CCDC178: variants seen among roughly 807,000 people sequenced by gnomAD.
The protein encoded by CCDC178 is coiled-coil domain-containing protein 178.
In CCDC178, 126 loss-of-function variants were observed where a neutral mutation model predicts 117.4. That is an observed-to-expected ratio of 1.07 (90% CI 0.93 to 1.24). CCDC178 has a LOEUF of 1.24. CCDC178 is among the 50% of genes most tolerant of loss of function. The probability of loss-of-function intolerance (pLI) is 0.00; values close to 1 mark genes in which losing one functional copy is unlikely to be tolerated. For synonymous variants in CCDC178, 283 were observed against 313.4 expected, an observed-to-expected ratio of 0.90 and a Z score of 1.02; for missense variants, 1,030 against 986.9, an observed-to-expected ratio of 1.04 and a Z score of -0.59.
At chr18:33,268,941 T>A (rs1381639463) in intron 12 of CCDC178, among the ~76,000 whole-genome samples, 1 of 151,862 alleles carries the variant, frequency 6.6e-6, no homozygotes, top group Non-Finnish European at 1.5e-5. Context: ...TTTCACCTTC[T>A]AGTCCTATCA....
At chr18:33,283,637 T>G (rs9951961) in intron 12 of CCDC178, among the ~76,000 whole-genome samples, 10,476 of 152,108 alleles carry the variant, frequency 0.069, 560 homozygotes, top group African/African-American at 0.14. Flanking sequence ...CTTACATGTG[T>G]CTAAGCATAT....
At chr18:33,349,375 C>T (rs762479468) in intron 7 of CCDC178, among the ~76,000 whole-genome samples, 3 of 151,802 alleles carry the variant, frequency 2.0e-5, no homozygotes, top group Non-Finnish European at 4.4e-5. Flanking sequence ...AATATCATTT[C>T]AGATAATAAA....
chr18:33,119,474 A>G (rs370588027), intron 20 of CCDC178, among the ~76,000 whole-genome samples: 9 of 152,176 alleles, frequency 5.9e-5, no homozygotes, highest in Non-Finnish European at 4.4e-5. Context: ...GCAAATCAAA[A>G]CCACAGTGAG....
chr18:33,091,778 G>A (rs891899118), intron 21 of CCDC178, among the ~76,000 whole-genome samples: 8 of 152,100 alleles, frequency 5.3e-5, no homozygotes, highest in African/African-American at 1.9e-4. Flanking sequence ...CAGTCGTATA[G>A]CATCCCTTAA....
At chr18:33,013,454 G>A (rs1452725119) in intron 21 of CCDC178, among the ~76,000 whole-genome samples, 1 of 152,032 alleles carries the variant, frequency 6.6e-6, no homozygotes, top group African/African-American at 2.4e-5. Flanking sequence ...ACTTATCTTT[G>A]GCTTTGGGTA....
chr18:33,337,796 C>T (rs557660046), intron 9 of CCDC178, among the ~76,000 whole-genome samples: 1 of 152,072 alleles, frequency 6.6e-6, no homozygotes, highest in Non-Finnish European at 1.5e-5. Context: ...TACTTGAAAT[C>T]ATAAAGATTC....
At chr18:33,002,889 C>G (rs2055668101) in intron 21 of CCDC178, among the ~76,000 whole-genome samples, 1 of 152,084 alleles carries the variant, frequency 6.6e-6, no homozygotes, top group Admixed American at 6.5e-5. Flanking sequence ...TTAGCAGCTA[C>G]TGTGAGCAAT....
intron 18 of CCDC178, among the ~76,000 whole-genome samples, chr18:33,217,124 G>A (rs899473016): frequency 2.0e-5 from 3 of 151,976 alleles, no homozygotes; most frequent in Non-Finnish European, 2.9e-5. Context: ...GATCACCAAC[G>A]GACTTGTTTC....
intron 12 of CCDC178, among the ~76,000 whole-genome samples, chr18:33,268,075 T>C (rs2059840441): frequency 6.6e-6 from 1 of 151,812 alleles, no homozygotes. Flanking sequence ...TTTAATAGAC[T>C]ATAATGTGTG....
chr18:33,174,904 G>A, intron 20 of CCDC178, among the ~76,000 whole-genome samples: 1 of 151,960 alleles, frequency 6.6e-6, no homozygotes, highest in Non-Finnish European at 1.5e-5. Context: ...TCCCAGGCTG[G>A]AGTGCAGTGG....
chr18:33,120,756 C>A (rs571539515), intron 20 of CCDC178, among the ~76,000 whole-genome samples: 22 of 152,084 alleles, frequency 1.4e-4, no homozygotes, highest in African/African-American at 5.1e-4. Context: ...ATACAATAAC[C>A]AAATATTTTT....
chr18:33,065,892 C>CA, intron 21 of CCDC178, among the ~76,000 whole-genome samples: 1 of 143,304 alleles, frequency 7.0e-6, no homozygotes, highest in South Asian at 2.2e-4. Context: ...GATGGAGTCT[C>CA]ACTTTGTCAC....
chr18:33,414,087 AC>A (rs2063898575), intron 2 of CCDC178, among the ~76,000 whole-genome samples: 1 of 152,198 alleles, frequency 6.6e-6, no homozygotes, highest in Non-Finnish European at 1.5e-5. Flanking sequence ...TAGCAAAATT[AC>A]CAGATAATAT....
At chr18:33,154,018 T>G (rs886271985) in intron 20 of CCDC178, among the ~76,000 whole-genome samples, 2 of 152,150 alleles carry the variant, frequency 1.3e-5, no homozygotes, top group Non-Finnish European at 2.9e-5. Flanking sequence ...ATTTTAAAAA[T>G]TTTGTGTCTT....
intron 21 of CCDC178, among the ~76,000 whole-genome samples, chr18:33,013,284 T>C (rs2055911749): frequency 6.6e-6 from 1 of 152,178 alleles, no homozygotes; most frequent in African/African-American, 2.4e-5. Flanking sequence ...ATCATATAGA[T>C]ACATTCTTTC....
chr18:33,150,994 G>T (rs2058335209), intron 20 of CCDC178, among the ~76,000 whole-genome samples: 1 of 152,150 alleles, frequency 6.6e-6, no homozygotes, highest in South Asian at 2.1e-4. Context: ...AAATAACTCA[G>T]AAATGGAAAA....
rs573540954 is a variant in CCDC178, at chr18:33,095,188, G to T, written c.2239-2278C>A. ...CCATACTATTACATTCACTCAAAAGGCCTAAGTACATATAACACTTTCTCA... is the reference window on the plus strand; with the variant it reads ...CCATACTATTACATTCACTCAAAAGTCCTAAGTACATATAACACTTTCTCA... On this transcript the variant is annotated intron_variant, in intron 20 of 22. Transcript: ENST00000383096. 5.3e-5 allele frequency among the ~76,000 whole-genome samples: 8 copies of T among 151,566 alleles called. No homozygotes were observed. In the East Asian group the frequency reaches 1.6e-3, roughly 30 times the overall value.
intron 15 of CCDC178, among the ~76,000 whole-genome samples, chr18:33,235,282 C>T (rs541877488): frequency 1.5e-4 from 23 of 152,216 alleles, no homozygotes; most frequent in Middle Eastern, 3.4e-3. Flanking sequence ...GCATTGAAAA[C>T]GACCCCCACC....
chr18:33,365,856 T>C (rs1044873202), intron 6 of CCDC178, among the ~76,000 whole-genome samples: 1 of 152,086 alleles, frequency 6.6e-6, no homozygotes. Context: ...AGTCTTTTAT[T>C]TGTATGAGAA....
Sources: allele counts gnomAD v4.1 joint callset (sites outside exome capture counted in the v4.1 genomes callset), GRCh38; gene constraint gnomAD v4.1.1; transcripts MANE v1.5; gene names NCBI Gene and HGNC (gene_info 2026-07-23, HGNC 2026-07-21).